ANKFN1: variants seen among roughly 807,000 people sequenced by gnomAD.
The protein encoded by ANKFN1 is ankyrin repeat and fibronectin type-III domain-containing protein 1.
ANKFN1 carries 74 observed loss-of-function variants against 108.7 expected under a neutral mutation model. That is an observed-to-expected ratio of 0.68 (90% CI 0.56 to 0.83). ANKFN1 has a LOEUF of 0.83. ANKFN1 is among the 40% of genes least tolerant of loss of function. The probability of loss-of-function intolerance (pLI) is 0.00; values close to 1 mark genes in which losing one functional copy is unlikely to be tolerated. For missense variants in ANKFN1, 1,505 were observed against 1,382.3 expected, an observed-to-expected ratio of 1.09 and a Z score of -1.41; for synonymous variants, 547 against 516.2, an observed-to-expected ratio of 1.06 and a Z score of -0.81.
At chr17:56,197,603 G>T (rs1162132613) in intron 1 of ANKFN1, among the ~76,000 whole-genome samples, 1 of 152,148 alleles carries the variant, frequency 6.6e-6, no homozygotes, top group Non-Finnish European at 1.5e-5. Flanking sequence ...GTCTCTGGAT[G>T]ATTATTCCAA....
intron 8 of ANKFN1, among the ~76,000 whole-genome samples, chr17:56,419,898 T>A (rs2048350212): frequency 6.6e-6 from 1 of 152,036 alleles, no homozygotes; most frequent in South Asian, 2.1e-4. Context: ...CCCTTTAGCA[T>A]AACCAGCTTC....
At chr17:56,199,034 T>C (rs1327728153) in intron 1 of ANKFN1, among the ~76,000 whole-genome samples, 2 of 152,234 alleles carry the variant, frequency 1.3e-5, no homozygotes, top group African/African-American at 2.4e-5. Context: ...ATTTCATTAA[T>C]ACTAAAAAAT....
In ANKFN1 at chr17:56,280,008, C is replaced by CTTTTTTTTTTTT. The variant is rs3086033; in HGVS notation, c.54-46208_54-46197dup. On this transcript the variant is annotated intron_variant, in intron 3 of 20. Transcript: ENST00000682825. ...TTTCAGGTTGGGAGCCACATAATGT[C>CTTTTTTTTTTTT]TTTTTTTTTTTTTTTTCTCAAGACG... Among the ~76,000 whole-genome samples the CTTTTTTTTTTTT allele has an allele frequency of 7.5e-4, 101 of 134,832 alleles. 1 individual carries two copies. The highest frequency in any genetic ancestry group is 2.6e-3 in the African/African-American group (87 of 34,052). 88.5% of individuals were successfully genotyped at this position (134,832 alleles called of 152,430 possible). A position where few individuals can be genotyped will look rare whatever the true frequency, so the allele number is the denominator to read the frequency against.
At chr17:56,297,454 T>A (rs1363335723) in intron 3 of ANKFN1, among the ~76,000 whole-genome samples, 1 of 152,218 alleles carries the variant, frequency 6.6e-6, no homozygotes, top group Non-Finnish European at 1.5e-5. Flanking sequence ...CAAAGGTCTC[T>A]TTGGAACCAA....
At chr17:56,357,006 T>C (rs1309270495) in intron 6 of ANKFN1, among the ~76,000 whole-genome samples, 1 of 152,164 alleles carries the variant, frequency 6.6e-6, no homozygotes, top group African/African-American at 2.4e-5. Flanking sequence ...ACTCAAGTAC[T>C]AAATATCTAG....
intron 8 of ANKFN1, among the ~76,000 whole-genome samples, chr17:56,427,044 A>G (rs191969412): frequency 6.6e-6 from 1 of 152,348 alleles, no homozygotes; most frequent in East Asian, 1.9e-4. Flanking sequence ...AAAATAGCAC[A>G]TTCTTTTTAG....
At chr17:56,203,188 TA>T (rs1914205219) in intron 1 of ANKFN1, among the ~76,000 whole-genome samples, 1 of 152,224 alleles carries the variant, frequency 6.6e-6, no homozygotes, top group East Asian at 1.9e-4. Flanking sequence ...GGACATTTTT[TA>T]TTTTTATGAA....
At chr17:56,333,917 C>G (rs1280484969) in intron 4 of ANKFN1, among the ~76,000 whole-genome samples, 1 of 152,090 alleles carries the variant, frequency 6.6e-6, no homozygotes, top group African/African-American at 2.4e-5. Flanking sequence ...TAGAGACCAG[C>G]CCACCTTTGA....
chr17:56,124,380 T>C lies in ANKFN1; in HGVS notation c.288+78055T>C, dbSNP rs759810071. Reference sequence around the variant, plus strand: ...CACAGAATCCATGCTGCTTCTGTTATACGCCACTGTAGCATATAAGCACAT... The same window carrying C: ...CACAGAATCCATGCTGCTTCTGTTACACGCCACTGTAGCATATAAGCACAT... On this transcript the variant is annotated intron_variant, in intron 4 of 12. Coordinates refer to the ANKFN1 transcript ENST00000635860. Among the ~76,000 whole-genome samples the C allele has an allele frequency of 9.2e-5, 14 of 152,228 alleles. No individual in the cohort carries two copies. In the South Asian group the frequency reaches 1.2e-3, roughly 13 times the overall value.
In ANKFN1 at chr17:56,186,981, C is replaced by G. The variant is rs182951385; in HGVS notation, c.-70-25617C>G. ...ATGTTAGACCTAAAACCATAAAAAC[C>G]CTAGAAGAAAACCTAGGCAGTACCA... On this transcript the variant is annotated intron_variant, in intron 1 of 20. Coordinates refer to ENST00000682825, the MANE Select transcript of ANKFN1 (RefSeq NM_001370326.1). 5.3e-5 allele frequency among the ~76,000 whole-genome samples: 8 copies of G among 152,148 alleles called. No individual in the cohort carries two copies. The East Asian group carries it at 1.4e-3, about 26-fold the overall frequency.
intron 6 of ANKFN1, chr17:56,368,333 G>A (rs1283857610): frequency 1.7e-5 from 5 of 290,246 alleles, no homozygotes; most frequent in East Asian, 1.3e-4. Context: ...AGGCTGGAGT[G>A]CAGTGGTGCG....
intron 3 of ANKFN1, among the ~76,000 whole-genome samples, chr17:56,248,361 T>C (rs951397565): frequency 2.0e-5 from 3 of 152,226 alleles, no homozygotes; most frequent in Non-Finnish European, 4.4e-5. Context: ...CAAATATTGC[T>C]GTTGTCTCAT....
At chr17:56,505,444 C>G (rs1041839403) in intron 20 of ANKFN1, among the ~76,000 whole-genome samples, 2 of 152,214 alleles carry the variant, frequency 1.3e-5, no homozygotes, top group Non-Finnish European at 2.9e-5. Flanking sequence ...ATAGTCCACT[C>G]ATATGTCCAT....
At chr17:56,134,593 C>T (rs116492144) in intron 4 of ANKFN1, among the ~76,000 whole-genome samples, 85 of 152,272 alleles carry the variant, frequency 5.6e-4, no homozygotes, top group Middle Eastern at 3.4e-3. Context: ...AAAGATTCTC[C>T]TAGCATCCCT....
chr17:56,083,370 G>A (rs1340663016), intron 4 of ANKFN1, among the ~76,000 whole-genome samples: 3 of 151,238 alleles, frequency 2.0e-5, no homozygotes, highest in African/African-American at 4.9e-5. Context: ...CTTTGCACAC[G>A]CTAAGTCAAA....
rs1259446883 is a variant in ANKFN1 at position 56,144,158 on chromosome 17, A to G, written c.289-83759A>G. Among the ~76,000 whole-genome samples the G allele has an allele frequency of 1.7e-3, 107 of 63,922 alleles. 1 individual carries two copies. The highest frequency in any genetic ancestry group is 6.9e-3 in the African/African-American group (100 of 14,434). 41.9% of individuals were successfully genotyped at this position (63,922 alleles called of 152,430 possible). A position where few individuals can be genotyped will look rare whatever the true frequency, so the allele number is the denominator to read the frequency against. The stretch of plus-strand genomic sequence containing the variant: ...CTGACACAAACAGAGGCGCATCTGA[A>G]AAAAAAAAAAAAAAAAAAAAAAAAA... On this transcript the variant is annotated intron_variant, in intron 4 of 12. Transcript: ENST00000635860.
chr17:56,064,222 G>A (rs1204170963), intron 4 of ANKFN1, among the ~76,000 whole-genome samples: 1 of 139,228 alleles, frequency 7.2e-6, no homozygotes, highest in East Asian at 2.4e-4. Context: ...GTGGCATGGG[G>A]AGTAGGACCC....
At position 56,271,751 on chromosome 17, in the gene ANKFN1, TG is replaced by T. The variant is rs575160590; in HGVS notation, c.53+43795del. Among the ~76,000 whole-genome samples the T allele has an allele frequency of 3.6e-3, 548 of 152,252 alleles. 1 individual carries two copies. The highest frequency in any genetic ancestry group is 6.4e-3 in the Non-Finnish European group (435 of 68,018). ...TATAAGACAAGTTGGGACATGGACCTGCAAGAGACCAGAGTGGCTCAGGGAG... is the reference window on the plus strand; with the variant it reads ...TATAAGACAAGTTGGGACATGGACCTCAAGAGACCAGAGTGGCTCAGGGAG... On this transcript the variant is annotated intron_variant, in intron 3 of 20. Transcript: ENST00000682825.
chr17:56,086,581 A>T (rs2143179784), intron 4 of ANKFN1, among the ~76,000 whole-genome samples: 2 of 151,476 alleles, frequency 1.3e-5, no homozygotes, highest in East Asian at 3.9e-4. Context: ...GGCTAGCCAG[A>T]GGCTTCACCT....
Sources: gnomAD v4.1 joint callset for allele counts (sites outside exome capture counted in the v4.1 genomes callset) on GRCh38, gnomAD v4.1.1 for gene constraint, MANE v1.5 for transcripts, NCBI Gene and HGNC (gene_info 2026-07-23, HGNC 2026-07-21) for gene names.